The following TMEFF2 variants were observed in gnomAD, a reference collection of about 807,000 sequenced individuals.
The protein encoded by TMEFF2 is tomoregulin-2.
Under a neutral mutation model 53.8 loss-of-function variants are expected in TMEFF2, and 28 were observed. That is an observed-to-expected ratio of 0.52 (90% CI 0.39 to 0.71). The LOEUF is 0.71. Among genes scored for constraint, TMEFF2 ranks in the 30% least tolerant of loss-of-function variants. The probability of loss-of-function intolerance (pLI) is 0.00; values close to 1 mark genes in which losing one functional copy is unlikely to be tolerated. For synonymous variants in TMEFF2, 162 were observed against 166.3 expected, an observed-to-expected ratio of 0.97 and a Z score of 0.20; for missense variants, 353 against 455.2, an observed-to-expected ratio of 0.78 and a Z score of 2.04.
At chr2:192,112,857 CT>C (rs764449424) in intron 4 of TMEFF2, among the ~76,000 whole-genome samples, 7 of 152,114 alleles carry the variant, frequency 4.6e-5, no homozygotes, top group Non-Finnish European at 8.8e-5. Context: ...GTGAAAACCT[CT>C]TTTGCTTGGC....
chr2:191,955,927 C>G (rs1692069935), intron 8 of TMEFF2, among the ~76,000 whole-genome samples: 1 of 152,116 alleles, frequency 6.6e-6, no homozygotes, highest in Non-Finnish European at 1.5e-5. Flanking sequence ...TATTGAGCAA[C>G]TATTCTGTGT....
intron 4 of TMEFF2, among the ~76,000 whole-genome samples, chr2:192,067,363 A>G (rs1473740530): frequency 6.6e-6 from 1 of 151,776 alleles, no homozygotes. Context: ...ATGTGGGTAC[A>G]TATGTAGAGA....
chr2:192,193,932 T>C (rs1691536998), intron 1 of TMEFF2, among the ~76,000 whole-genome samples: 1 of 152,200 alleles, frequency 6.6e-6, no homozygotes, highest in Admixed American at 6.5e-5. Context: ...TTTGATTTAT[T>C]GCTTTCTCGC....
chr2:192,037,853 C>T (rs1414966513), intron 5 of TMEFF2: 2 of 152,110 alleles, frequency 1.3e-5, no homozygotes, highest in Non-Finnish European at 2.9e-5. Context: ...CTTAATTCTA[C>T]CTTGACTTCT....
intron 4 of TMEFF2, among the ~76,000 whole-genome samples, chr2:192,145,149 C>A (rs1480387945): frequency 6.6e-6 from 1 of 151,822 alleles, no homozygotes; most frequent in African/African-American, 2.4e-5. Flanking sequence ...ATAACAATAT[C>A]TTACATTATT....
chr2:192,140,402 G>T (rs1246878640), intron 4 of TMEFF2, among the ~76,000 whole-genome samples: 1 of 152,204 alleles, frequency 6.6e-6, no homozygotes, highest in Non-Finnish European at 1.5e-5. Flanking sequence ...GGCTGCTAAA[G>T]TTGTAGGCTG....
chr2:192,143,085 A>G (rs1690174559), intron 4 of TMEFF2, among the ~76,000 whole-genome samples: 1 of 152,176 alleles, frequency 6.6e-6, no homozygotes, highest in Non-Finnish European at 1.5e-5. Context: ...TTCATGCAGG[A>G]CAACTATTAG....
intron 7 of TMEFF2, among the ~76,000 whole-genome samples, chr2:191,975,682 C>A (rs1685705148): frequency 6.6e-6 from 1 of 152,094 alleles, no homozygotes; most frequent in Non-Finnish European, 1.5e-5. Context: ...AGTGACAAGA[C>A]TGTCTTTTGA....
At chr2:192,178,704 T>C (rs1345390717) in intron 4 of TMEFF2, 2 of 151,228 alleles carry the variant, frequency 1.3e-5, no homozygotes, top group Non-Finnish European at 3.0e-5. Context: ...AGATAAAGGG[T>C]GCACTAAATA....
intron 5 of TMEFF2, chr2:192,038,004 T>C (rs1687373769): frequency 6.6e-6 from 1 of 152,192 alleles, no homozygotes; most frequent in Non-Finnish European, 1.5e-5. Context: ...TTTGTACAGA[T>C]GGAGGAAAGT....
intron 2 of TMEFF2, among the ~76,000 whole-genome samples, chr2:192,188,898 C>G (rs1448395366): frequency 6.6e-6 from 1 of 150,648 alleles, no homozygotes; most frequent in African/African-American, 2.4e-5. Flanking sequence ...CATCTACTGT[C>G]TCCAAATTTT....
Position 191,953,741 on chromosome 2 carries a change from G to C in TMEFF2, c.966C>G (p.Ile322Met). The C allele has an allele frequency of 6.2e-7, 1 of 1,614,160 alleles. No homozygotes were observed. The highest frequency in any genetic ancestry group is 2.2e-5 in the East Asian group (1 of 44,886). The change falls in exon 9 of 10, where the codon ATC (isoleucine) becomes ATG (methionine). Residue 322 changes from isoleucine (I) to methionine (M), a missense_variant. Transcript: ENST00000272771. ...PGPVRFQYVL[I>M]AAVIGTIQIA... is the part of the protein sequence containing the mutation. The stretch of plus-strand genomic sequence containing the variant: ...TCTGAATTGTTCCAATCACAGCTGC[G>C]ATTAAGACATACTGAAATCGTACAG...
intron 7 of TMEFF2, among the ~76,000 whole-genome samples, chr2:191,956,970 TA>T (rs1692121394): frequency 5.9e-5 from 9 of 152,332 alleles, no homozygotes; most frequent in Admixed American, 6.5e-5. Context: ...AAGAAAACGT[TA>T]TTTCAAAATC....
chr2:192,185,816 T>C (rs1285237779), intron 2 of TMEFF2, among the ~76,000 whole-genome samples: 1 of 152,076 alleles, frequency 6.6e-6, no homozygotes, highest in Non-Finnish European at 1.5e-5. Flanking sequence ...TCATAACAAA[T>C]TTAAATGTCA....
intron 4 of TMEFF2, among the ~76,000 whole-genome samples, chr2:192,067,877 T>C (rs1054924441): frequency 1.3e-5 from 2 of 151,860 alleles, no homozygotes; most frequent in East Asian, 1.9e-4. Context: ...ATCTTTATCA[T>C]ACCTTGCCTA....
rs1320120908 is a variant in TMEFF2, at chr2:192,022,202, A to G, written c.537-22994T>C. 2.6e-5 allele frequency among the ~76,000 whole-genome samples: 4 copies of G among 152,154 alleles called. No homozygotes were observed. In the East Asian group the frequency reaches 5.8e-4, roughly 22 times the overall value. ...GAGGCCTGCAGCATCTCAAGCTCCC[A>G]CTAGATCTCCTCCATAAGCCTCTCT... On this transcript the variant is annotated intron_variant, in intron 5 of 9. Coordinates refer to ENST00000272771, the MANE Select transcript of TMEFF2 (RefSeq NM_016192.4).
chr2:192,162,795 A>C (rs1255530315), intron 4 of TMEFF2, among the ~76,000 whole-genome samples: 1 of 152,192 alleles, frequency 6.6e-6, no homozygotes, highest in Non-Finnish European at 1.5e-5. Flanking sequence ...ACTTTAAAAG[A>C]ATCTCTGTGA....
chr2:192,117,669 C>T (rs543695233), intron 4 of TMEFF2, among the ~76,000 whole-genome samples: 1 of 152,070 alleles, frequency 6.6e-6, no homozygotes, highest in South Asian at 2.1e-4. Flanking sequence ...ACCTCCCCAC[C>T]CCCCACTTTT....
At chr2:192,120,769 C>T (rs995695479) in intron 4 of TMEFF2, among the ~76,000 whole-genome samples, 6 of 151,636 alleles carry the variant, frequency 4.0e-5, no homozygotes, top group African/African-American at 1.5e-4. Context: ...TGGAGTCTCG[C>T]TCTGTCGCCC....
Sources: gnomAD v4.1 joint callset for allele counts (sites outside exome capture counted in the v4.1 genomes callset) on GRCh38, gnomAD v4.1.1 for gene constraint, MANE v1.5 for transcripts, NCBI Gene and HGNC (gene_info 2026-07-23, HGNC 2026-07-21) for gene names.